LRRK2: variants seen among roughly 807,000 people sequenced by gnomAD.
LRRK2 encodes leucine-rich repeat serine/threonine-protein kinase 2.
Under a neutral mutation model 302.6 loss-of-function variants are expected in LRRK2, and 203 were observed. That is an observed-to-expected ratio of 0.67 (90% CI 0.60 to 0.75). The LOEUF (loss-of-function observed/expected upper bound fraction) is 0.75. LRRK2 is among the 30% of genes least tolerant of loss of function. The pLI is 0.00. For missense variants in LRRK2, 2,830 were observed against 2,951.0 expected, an observed-to-expected ratio of 0.96 and a Z score of 0.95; for synonymous variants, 1,066 against 1,031.9, an observed-to-expected ratio of 1.03 and a Z score of -0.63.
rs568548270 is a variant in LRRK2, at chr12:40,272,445, A to G, written c.1657-2138A>G. On this transcript the variant is annotated intron_variant, in intron 14 of 50. Transcript: ENST00000298910. The stretch of plus-strand genomic sequence containing the variant: ...TTCATCTGTACTTCGGGACAACAAT[A>G]GTGTGTCGACATCACAAAGGTTTTG... 3.3e-5 allele frequency among the ~76,000 whole-genome samples: 5 copies of G among 152,322 alleles called. No homozygotes were observed. The South Asian group carries it at 1.0e-3, about 32-fold the overall frequency.
chr12:40,253,481 A>G (rs1272633535), intron 11 of LRRK2, among the ~76,000 whole-genome samples: 2 of 151,906 alleles, frequency 1.3e-5, no homozygotes, highest in Admixed American at 6.6e-5. Context: ...AAACTTTTGG[A>G]CTCAGGTGAT....
intron 13 of LRRK2, among the ~76,000 whole-genome samples, chr12:40,260,159 TTTA>T (rs1942705917): frequency 6.6e-6 from 1 of 152,046 alleles, no homozygotes; most frequent in Non-Finnish European, 1.5e-5. Context: ...ATCCAACACA[TTTA>T]TTAAGTGCTT....
At chr12:40,260,468 A>G (rs1942719804) in intron 13 of LRRK2, among the ~76,000 whole-genome samples, 4 of 151,504 alleles carry the variant, frequency 2.6e-5, no homozygotes, top group Non-Finnish European at 1.5e-5. Context: ...GAAAGTGCAC[A>G]TGGTCGGGGG....
chr12:40,250,812 T>A (rs1391342289), intron 8 of LRRK2, among the ~76,000 whole-genome samples: 2 of 152,210 alleles, frequency 1.3e-5, no homozygotes, highest in Admixed American at 6.5e-5. Context: ...TCCAGCTCCA[T>A]CCGTGTCCCT....
intron 44 of LRRK2, among the ~76,000 whole-genome samples, chr12:40,352,463 A>C (rs1946381305): frequency 2.1e-5 from 1 of 46,900 alleles, no homozygotes; most frequent in Non-Finnish European, 5.1e-5. Flanking sequence ...TCTGAGGTTA[A>C]ACAATCTTTT....
chr12:40,309,263 AAAT>A (rs1944949414), intron 30 of LRRK2, 30 bp downstream of exon 30: 1 of 1,597,428 alleles, frequency 6.3e-7, no homozygotes, highest in Admixed American at 1.7e-5. Flanking sequence ...TGAAAATAGA[AAAT>A]AATTCATGTG....
In LRRK2 at chr12:40,240,767, C is replaced by A; in HGVS notation, c.706+150C>A. ...TTTATTCATTTAATTAATTTACATT[C>A]ACTGACATTATACTGAAGTTGGCTG... On this transcript the variant is annotated intron_variant, in intron 6 of 50. Coordinates refer to ENST00000298910, the MANE Select transcript of LRRK2 (RefSeq NM_198578.4). The A allele has an allele frequency of 1.0e-5, 9 of 873,108 alleles. No individual in the cohort carries two copies. The South Asian group carries it at 1.2e-4, about 11-fold the overall frequency. The allele number at this position is 873,108 out of a possible 1,614,324, so 54.1% of individuals were successfully genotyped here.
chr12:40,295,515 T>C lies in LRRK2; in HGVS notation c.2967T>C (p.Leu989=). The C allele has an allele frequency of 6.2e-7, 1 of 1,613,974 alleles. No individual in the cohort carries two copies. The highest frequency in any genetic ancestry group is 1.1e-5 in the South Asian group (1 of 91,080). Residue 989 remains leucine (L), a synonymous_variant, in exon 23 of 51, where the codon CTT becomes CTC. Coordinates refer to ENST00000298910, the MANE Select transcript of LRRK2 (RefSeq NM_198578.4). The stretch of plus-strand genomic sequence containing the variant: ...GAGAATATATTACATCACTAGACCT[T>C]TCAGCAAATGAACTAAGAGATATTG... The part of the protein sequence containing the change: ...SEREYITSLD[L]SANELRDIDA...
At chr12:40,348,945 ATTC>A (rs1175332194) in intron 43 of LRRK2, among the ~76,000 whole-genome samples, 2 of 151,956 alleles carry the variant, frequency 1.3e-5, no homozygotes, top group Non-Finnish European at 2.9e-5. Flanking sequence ...AAATTTAACA[ATTC>A]TTCTTTTTCC....
chr12:40,264,853 A>G (rs958433436), intron 14 of LRRK2, among the ~76,000 whole-genome samples: 35 of 152,220 alleles, frequency 2.3e-4, no homozygotes, highest in Non-Finnish European at 4.4e-5. Context: ...TGCAAAAAGT[A>G]TTGGTGGAAT....
chr12:40,348,596 A>T, intron 43 of LRRK2, 87 bp downstream of exon 43: 1 of 810,732 alleles, frequency 1.2e-6, no homozygotes, highest in East Asian at 2.7e-5. Context: ...ATATACTTAA[A>T]CACATAAACA....
At chr12:40,298,778 A>AATATAT (rs113272586) in intron 24 of LRRK2, among the ~76,000 whole-genome samples, 2,984 of 60,790 alleles carry the variant, frequency 0.049, 519 homozygotes, top group African/African-American at 0.18. Flanking sequence ...GTCTCAAAGA[A>AATATAT]ATATATATAT....
chr12:40,232,871 A>G (rs1941266023), intron 3 of LRRK2: 1 of 152,718 alleles, frequency 6.5e-6, no homozygotes, highest in Admixed American at 6.5e-5. Flanking sequence ...AGAAAGAGTT[A>G]AGAAAGAGGA....
At chr12:40,312,886 G>C (rs1160331579) in intron 31 of LRRK2, 1 of 151,984 alleles carries the variant, frequency 6.6e-6, no homozygotes, top group Non-Finnish European at 1.5e-5. Context: ...GAACGACTAA[G>C]AGAGGGAACA....
At chr12:40,359,001 C>T (rs781627980) in intron 46 of LRRK2, among the ~76,000 whole-genome samples, 1 of 113,868 alleles carries the variant, frequency 8.8e-6, no homozygotes, top group Non-Finnish European at 2.0e-5. Context: ...GGATTGCTTT[C>T]TTGATTTTTC....
chr12:40,287,195 G>A (rs192162877), intron 19 of LRRK2, among the ~76,000 whole-genome samples, 156 bp from the exon 20 acceptor site: 1 of 152,038 alleles, frequency 6.6e-6, no homozygotes, highest in East Asian at 1.9e-4. Flanking sequence ...TCTGCCACCT[G>A]TTAATTATTC....
intron 41 of LRRK2, among the ~76,000 whole-genome samples, chr12:40,341,557 G>A (rs1946045938): frequency 2.0e-5 from 3 of 152,120 alleles, no homozygotes; most frequent in African/African-American, 4.8e-5. Flanking sequence ...ATAATAATAA[G>A]ACTAATTATC....
rs200700326 is a variant in LRRK2 at position 40,287,402 on chromosome 12, C to T, written c.2552C>T (p.Ala851Val). Residue 851 changes from alanine to valine, a missense_variant, in exon 20 of 51, where the codon GCT becomes GTT. Coordinates refer to ENST00000298910, the MANE Select transcript of LRRK2 (RefSeq NM_198578.4). ...GTGATCAGATATCAGATGAAAAGTG[C>T]TGTGGAAGAAGGAACAGCCTCAGGC... Reference protein sequence around the residue: ...RMVIRYQMKSAVEEGTASGSD... With the variant: ...RMVIRYQMKSVVEEGTASGSD... 1 of 1,612,634 alleles carries T rather than the reference C, an allele frequency of 6.2e-7. No individual in the cohort carries two copies. The highest frequency in any genetic ancestry group is 8.5e-7 in the Non-Finnish European group (1 of 1,179,090).
rs1344311926 is a variant in LRRK2, at chr12:40,354,337, G to T, written c.6615G>T (p.Val2205=). ...GTAGAATATTGTGCTTAGCCTTGGT[G>T]CATCTTCCTGTTGAAAAGGAAAGCT... is the stretch of plus-strand genomic sequence containing the variant. ...ADSRILCLAL[V]HLPVEKESWI... Residue 2205 remains valine (V), a synonymous_variant, in exon 45 of 51, where the codon GTG becomes GTT. Coordinates refer to ENST00000298910, the MANE Select transcript of LRRK2 (RefSeq NM_198578.4). The T allele has an allele frequency of 1.2e-6, 2 of 1,614,094 alleles. No homozygotes were observed. Among genetic ancestry groups the T allele is most frequent in the East Asian group, 2.2e-5 (1 of 44,856 alleles).
Sources: allele counts gnomAD v4.1 joint callset (sites outside exome capture counted in the v4.1 genomes callset), GRCh38; gene constraint gnomAD v4.1.1; transcripts MANE v1.5; gene names NCBI Gene and HGNC (gene_info 2026-07-23, HGNC 2026-07-21).